The following THSD4 variants were observed in gnomAD, a reference collection of about 807,000 sequenced individuals.
THSD4 encodes thrombospondin type-1 domain-containing protein 4.
THSD4 carries 69 observed loss-of-function variants against 119.0 expected under a neutral mutation model. The ratio of observed to expected loss-of-function variants is 0.58; its 90% CI spans 0.48 to 0.71. The LOEUF (loss-of-function observed/expected upper bound fraction) is 0.71, where lower values mean the gene tolerates loss of function less well. THSD4 is among the 30% of genes least tolerant of loss of function. The probability of loss-of-function intolerance (pLI) is 0.00; values close to 1 mark genes in which losing one functional copy is unlikely to be tolerated. For missense variants in THSD4, 1,393 were observed against 1,391.1 expected (o/e 1.00, Z -0.02); for synonymous variants, 524 against 540.4 (o/e 0.97, Z 0.42).
intron 7 of THSD4, among the ~76,000 whole-genome samples, chr15:71,647,762 G>A (rs1230080519): frequency 5.9e-5 from 9 of 152,208 alleles, no homozygotes; most frequent in Admixed American, 5.9e-4. Flanking sequence ...AGGAAGGGTG[G>A]TGTTATAGAT....
At chr15:71,183,087 A>G (rs2043551682) in intron 3 of THSD4, 2 of 151,856 alleles carry the variant, frequency 1.3e-5, no homozygotes, top group South Asian at 4.2e-4. Flanking sequence ...TATAAAGGAA[A>G]GAGGTTTGAT....
chr15:71,613,508 A>T (rs2050267358), intron 7 of THSD4, among the ~76,000 whole-genome samples: 1 of 152,218 alleles, frequency 6.6e-6, no homozygotes, highest in Non-Finnish European at 1.5e-5. Flanking sequence ...TAGCCAGAAG[A>T]TACATATGGA....
At chr15:71,629,811 AC>A (rs2050586528) in intron 7 of THSD4, among the ~76,000 whole-genome samples, 1 of 151,946 alleles carries the variant, frequency 6.6e-6, no homozygotes, top group East Asian at 1.9e-4. Flanking sequence ...GCTTTTCTAT[AC>A]TTTTTTCTCA....
rs7163240 is a variant in THSD4 at position 71,690,546 on chromosome 15, C to G, written c.1357+29812C>G. Among the ~76,000 whole-genome samples, 1,509 of 152,268 alleles carry G rather than the reference C, an allele frequency of 9.9e-3. 33 individuals are homozygous for G. The highest frequency in any genetic ancestry group is 0.034 in the African/African-American group (1,423 of 41,552). On this transcript the variant is annotated intron_variant, in intron 8 of 17. Transcript: ENST00000261862. ...CCCCCAAAGTTGTCCACAGCCTACT[C>G]CCGAGAACCTGTGAACATGTTAAGT...
intron 6 of THSD4, among the ~76,000 whole-genome samples, chr15:71,311,384 A>T (rs376565669): frequency 2.0e-5 from 3 of 152,314 alleles, no homozygotes; most frequent in East Asian, 3.9e-4. Context: ...TCAGCTAAAA[A>T]GTCTATTGTT....
intron 7 of THSD4, among the ~76,000 whole-genome samples, chr15:71,412,267 T>C (rs1455918239): frequency 6.6e-6 from 1 of 152,164 alleles, no homozygotes; most frequent in Non-Finnish European, 1.5e-5. Context: ...GGAAAGTTGT[T>C]TCATGCCTTT....
intron 8 of THSD4, among the ~76,000 whole-genome samples, chr15:71,681,687 A>AT (rs2141031380): frequency 6.6e-6 from 1 of 152,118 alleles, no homozygotes; most frequent in Admixed American, 6.5e-5. Context: ...AAAAAAAAAA[A>AT]AAAAAGTTTT....
At chr15:71,459,937 T>C (rs941037274) in intron 7 of THSD4, among the ~76,000 whole-genome samples, 4 of 152,194 alleles carry the variant, frequency 2.6e-5, no homozygotes, top group Non-Finnish European at 4.4e-5. Flanking sequence ...GATCTACTTC[T>C]CTTATGCCAC....
chr15:71,307,335 C>G (rs2045044295), intron 6 of THSD4, among the ~76,000 whole-genome samples: 1 of 152,196 alleles, frequency 6.6e-6, no homozygotes, highest in Admixed American at 6.5e-5. Flanking sequence ...GTATTATACC[C>G]AGTTTCTACA....
chr15:71,257,442 G>A (rs1487260278), intron 6 of THSD4, among the ~76,000 whole-genome samples: 2 of 152,140 alleles, frequency 1.3e-5, no homozygotes, highest in Non-Finnish European at 2.9e-5. Flanking sequence ...GTTGGCTGGA[G>A]AGGGAGTCCA....
intron 2 of THSD4, among the ~76,000 whole-genome samples, chr15:71,144,439 T>C (rs1181581143): frequency 6.6e-6 from 1 of 152,128 alleles, no homozygotes; most frequent in African/African-American, 2.4e-5. Context: ...CGCACACACA[T>C]GTGAAGGGAT....
chr15:71,608,240 ATATAT>A (rs2050150722), intron 7 of THSD4, among the ~76,000 whole-genome samples: 1 of 81,918 alleles, frequency 1.2e-5, no homozygotes, highest in African/African-American at 3.6e-5. Flanking sequence ...AAAAAAAAAT[ATATAT>A]ATATACACAC....
At chr15:71,113,393 G>A (rs937274882), upstream of THSD4, 2 of 152,186 alleles carry the variant, frequency 1.3e-5, no homozygotes, top group African/African-American at 4.8e-5. Context: ...TAACATTAGA[G>A]GAAGAGGGTG....
chr15:71,670,264 T>C (rs1324766474), intron 8 of THSD4, among the ~76,000 whole-genome samples: 1 of 151,722 alleles, frequency 6.6e-6, no homozygotes, highest in Non-Finnish European at 1.5e-5. Flanking sequence ...CGGTGTGTGA[T>C]GTTCCCTGCC....
intron 8 of THSD4, among the ~76,000 whole-genome samples, chr15:71,693,754 C>T (rs112331749): frequency 2.0e-5 from 3 of 152,088 alleles, no homozygotes; most frequent in African/African-American, 7.2e-5. Flanking sequence ...ACAAGTCTCC[C>T]GAGATTTGAT....
rs1026994148 is a variant in THSD4 at position 71,466,198 on chromosome 15, A to C, written c.1152+54375A>C. Among the ~76,000 whole-genome samples the C allele has an allele frequency of 2.0e-5, 3 of 151,846 alleles. No homozygotes were observed. In the East Asian group the frequency reaches 5.8e-4, roughly 29 times the overall value. Reference sequence around the variant, plus strand: ...CCCTGTCTCTACTAAAAATACAAAAAAAAATTAGCTGGGCGTGGTAGCTGT... The same window carrying C: ...CCCTGTCTCTACTAAAAATACAAAACAAAATTAGCTGGGCGTGGTAGCTGT... On this transcript the variant is annotated intron_variant, in intron 7 of 17. Transcript: ENST00000261862.
At chr15:71,450,736 C>T (rs1394467789) in intron 7 of THSD4, among the ~76,000 whole-genome samples, 1 of 151,998 alleles carries the variant, frequency 6.6e-6, no homozygotes, top group Non-Finnish European at 1.5e-5. Flanking sequence ...CTTGGCTGGG[C>T]TATGAATTAA....
chr15:71,517,448 T>G (rs2140774290), intron 7 of THSD4, among the ~76,000 whole-genome samples: 1 of 152,310 alleles, frequency 6.6e-6, no homozygotes, highest in East Asian at 1.9e-4. Context: ...TTTCTGCCTA[T>G]TTTACCTTCC....
chr15:71,461,111 A>T (rs1371872455), intron 7 of THSD4, among the ~76,000 whole-genome samples: 4 of 152,198 alleles, frequency 2.6e-5, no homozygotes, highest in Non-Finnish European at 1.5e-5. Context: ...AGGGCCTCCC[A>T]TGAGGTTGTT....
Sources: allele counts gnomAD v4.1 joint callset (sites outside exome capture counted in the v4.1 genomes callset), GRCh38; gene constraint gnomAD v4.1.1; transcripts MANE v1.5; gene names NCBI Gene and HGNC (gene_info 2026-07-23, HGNC 2026-07-21).